BCAP29: variants seen among roughly 807,000 people sequenced by gnomAD.
BCAP29 encodes B cell receptor associated protein 29, also known as B-cell receptor-associated protein 29.
In BCAP29, 34 loss-of-function variants were observed where a neutral mutation model predicts 31.8. The ratio of observed to expected loss-of-function variants is 1.07; its 90% CI spans 0.81 to 1.42. The LOEUF is 1.42. BCAP29 is among the 40% of genes most tolerant of loss of function. BCAP29 has a pLI of 0.00. For missense variants in BCAP29, 314 were observed against 269.2 expected (o/e 1.17, Z -1.16); for synonymous variants, 104 against 91.3 (o/e 1.14, Z -0.79).
chr7:107,600,161 A>G, intron 5 of BCAP29: 1 of 518,688 alleles, frequency 1.9e-6, no homozygotes, highest in Non-Finnish European at 3.5e-6. Flanking sequence ...CAGCAACTAG[A>G]AATTCTTATG....
intron 5 of BCAP29, among the ~76,000 whole-genome samples, chr7:107,599,260 T>TATATATATATAATTTTTA (rs1810596898): frequency 2.6e-5 from 3 of 116,722 alleles, no homozygotes; most frequent in African/African-American, 1.2e-4. Flanking sequence ...TATATAATTT[T>TATATATATATAATTTTTA]TATATATATA....
intron 7 of BCAP29, among the ~76,000 whole-genome samples, chr7:107,614,895 G>A (rs527694063): frequency 3.3e-5 from 5 of 152,282 alleles, no homozygotes; most frequent in South Asian, 2.1e-4. Flanking sequence ...ATAATTATTC[G>A]TGGTATCTTT....
intron 3 of BCAP29, among the ~76,000 whole-genome samples, chr7:107,586,602 TAATGC>T (rs946631547): frequency 6.6e-6 from 1 of 152,224 alleles, no homozygotes. Context: ...ACGATGTAAA[TAATGC>T]AAAACCAGTG....
At position 107,594,005 on chromosome 7, in the gene BCAP29, A is replaced by C. The variant is rs1374228717; in HGVS notation, c.244A>C (p.Ser82Arg). The part of the protein sequence containing the change: ...KYSSVHTIEK[S>R]STSRPDAYEH... ...TTCCTCAGTTCATACCATTGAGAAG[A>C]GCTCCACCAGCAGACCTGATGCCTA... Residue 82 changes from serine (S) to arginine (R), a missense_variant, in exon 4 of 8, where the codon AGC becomes CGC. Transcript: ENST00000005259. 4 of 1,613,784 alleles carry C rather than the reference A, an allele frequency of 2.5e-6. No homozygotes were observed. Among genetic ancestry groups the C allele is most frequent in the Non-Finnish European group, 8.5e-7 (1 of 1,179,788 alleles).
chr7:107,603,472 T>A (rs1164424422), intron 6 of BCAP29: 1 of 151,880 alleles, frequency 6.6e-6, no homozygotes, highest in Non-Finnish European at 1.5e-5. Flanking sequence ...AATCTTGTAG[T>A]AAAGGTTGAA....
intron 2 of BCAP29, 26 bp downstream of exon 2, chr7:107,580,890 A>AT (rs757821358): frequency 6.6e-7 from 1 of 1,505,366 alleles, no homozygotes; most frequent in Non-Finnish European, 9.0e-7. Flanking sequence ...ATCGTTAACT[A>AT]ATAAATATTG....
chr7:107,621,950 C>A, downstream of BCAP29: 1 of 522,030 alleles, frequency 1.9e-6, no homozygotes, highest in Non-Finnish European at 4.0e-6. Flanking sequence ...ATGGCCTGAA[C>A]TGAATTTCAA....
At chr7:107,596,700 C>G (rs1447604166) in intron 5 of BCAP29, among the ~76,000 whole-genome samples, 1 of 152,042 alleles carries the variant, frequency 6.6e-6, no homozygotes, top group African/African-American at 2.4e-5. Context: ...TTTTTTTCCT[C>G]TTCAATTGTT....
rs757865649 is a variant in BCAP29 at position 107,600,426 on chromosome 7, A to G, written c.510A>G (p.Glu170=). The change falls in exon 6 of 8, where the codon GAA becomes GAG. Residue 170 remains glutamate, a synonymous_variant. Transcript: ENST00000005259. ...TGAAAAGCCATGGTAAAGATGAAGAATGTGTTTTGGAAGCAGAAAATAAAA... is the reference window on the plus strand; with the variant it reads ...TGAAAAGCCATGGTAAAGATGAAGAGTGTGTTTTGGAAGCAGAAAATAAAA... The part of the protein sequence containing the change: ...RILKSHGKDE[E]CVLEAENKKL... 1.9e-6 allele frequency: 3 copies of G among 1,609,334 alleles called. No individual in the cohort carries two copies. In the African/African-American group the frequency reaches 4.0e-5, roughly 22 times the overall value.
rs562047522 is a variant in BCAP29, at chr7:107,582,578, C to T, written c.93-1304C>T. On this transcript the variant is annotated intron_variant, in intron 2 of 7. Transcript: ENST00000005259. ...ACCTTGGGCATGCTCTTGATCCTCTCTGATCTGTTTCCCCATCTGTAAAAT... is the reference window on the plus strand; with the variant it reads ...ACCTTGGGCATGCTCTTGATCCTCTTTGATCTGTTTCCCCATCTGTAAAAT... Among the ~76,000 whole-genome samples, 4 of 152,306 alleles carry T rather than the reference C, an allele frequency of 2.6e-5. No homozygotes were observed. The South Asian group carries it at 8.3e-4, about 32-fold the overall frequency.
chr7:107,607,251 A>G (rs1284391709), intron 6 of BCAP29, among the ~76,000 whole-genome samples: 1 of 152,254 alleles, frequency 6.6e-6, no homozygotes, highest in African/African-American at 2.4e-5. Context: ...TGGGAGGCAC[A>G]GGTTGCAGTG....
At chr7:107,602,964 C>CTTTTTTTTTTTTT (rs34887499) in intron 6 of BCAP29, among the ~76,000 whole-genome samples, 9 of 68,286 alleles carry the variant, frequency 1.3e-4, no homozygotes, top group African/African-American at 1.9e-4. Context: ...TTCTTTTATT[C>CTTTTTTTTTTTTT]TTTTTTTTTT....
At chr7:107,587,509 CT>C (rs771570804) in intron 3 of BCAP29, 3 of 152,050 alleles carry the variant, frequency 2.0e-5, no homozygotes, top group African/African-American at 4.8e-5. Flanking sequence ...CACTATTTGC[CT>C]ATTTAAAATA....
In BCAP29 at chr7:107,580,273, G is replaced by C. The variant is rs1222048061; in HGVS notation, c.-43G>C. The C allele has an allele frequency of 2.0e-5, 3 of 152,012 alleles. No individual in the cohort carries two copies. Among genetic ancestry groups the C allele is most frequent in the Admixed American group, 6.6e-5 (1 of 15,242 alleles). The allele number at this position is 152,012 out of a possible 1,614,324, so 9.4% of individuals were successfully genotyped here. The stretch of plus-strand genomic sequence containing the variant: ...CCCGCGCGTCGGCGGCCGCGGAGCA[G>C]CGCAGGGAGCCAGGCGGGCTGCCGG... On this transcript the variant is annotated 5_prime_UTR_variant, in exon 1 of 8. Transcript: ENST00000005259.
intron 6 of BCAP29, among the ~76,000 whole-genome samples, chr7:107,606,617 T>C (rs1051324993): frequency 2.0e-5 from 3 of 152,160 alleles, no homozygotes; most frequent in Non-Finnish European, 2.9e-5. Context: ...GGGCCACAAG[T>C]CTTAAATGTA....
intron 6 of BCAP29, among the ~76,000 whole-genome samples, chr7:107,601,631 A>G (rs1335532694): frequency 1.3e-5 from 2 of 152,222 alleles, no homozygotes. Context: ...TTCGAACATG[A>G]TCAAGAAATG....
Position 107,586,790 on chromosome 7 carries a change from C to T in BCAP29, c.193+2808C>T, listed in dbSNP as rs773869693. On this transcript the variant is annotated intron_variant, in intron 3 of 7. Coordinates refer to ENST00000005259, the MANE Select transcript of BCAP29 (RefSeq NM_018844.4). ...TCACCAAGGCTGAAATGCAGTGGTG[C>T]GATCTCAGCTCACTGCAACCTCCAC... 4.2e-5 allele frequency among the ~76,000 whole-genome samples: 6 copies of T among 143,958 alleles called. No individual in the cohort carries two copies. In the South Asian group the frequency reaches 1.1e-3, roughly 26 times the overall value. The allele number at this position is 143,958 out of a possible 152,430, so 94.4% of individuals were successfully genotyped here.
intron 7 of BCAP29, among the ~76,000 whole-genome samples, chr7:107,614,526 A>G (rs1212335640): frequency 6.6e-6 from 1 of 152,214 alleles, no homozygotes; most frequent in Non-Finnish European, 1.5e-5. Context: ...CACTCAAGAA[A>G]TGATAGGTAT....
At chr7:107,585,940 G>A (rs1056676571) in intron 3 of BCAP29, among the ~76,000 whole-genome samples, 4 of 152,236 alleles carry the variant, frequency 2.6e-5, no homozygotes, top group African/African-American at 4.8e-5. Context: ...GCAGTGAGCC[G>A]AGATCGCGCC....
Sources: gnomAD v4.1 joint callset for allele counts (sites outside exome capture counted in the v4.1 genomes callset) on GRCh38, gnomAD v4.1.1 for gene constraint, MANE v1.5 for transcripts, NCBI Gene and HGNC (gene_info 2026-07-23, HGNC 2026-07-21) for gene names.